Variants in BDP1 observed in about 807,000 individuals in gnomAD.
BDP1 encodes the protein transcription factor TFIIIB component B'' homolog.
BDP1 carries 169 observed loss-of-function variants against 266.6 expected under a neutral mutation model. That is an observed-to-expected ratio of 0.63 (90% CI 0.56 to 0.72). BDP1 has a LOEUF of 0.72. Ranked by LOEUF, BDP1 falls within the 30% of genes least tolerant of loss-of-function variation. BDP1 has a pLI of 0.00. For missense variants in BDP1, 3,015 were observed against 3,053.8 expected, an observed-to-expected ratio of 0.99 and a Z score of 0.30; for synonymous variants, 1,090 against 1,022.4, an observed-to-expected ratio of 1.07 and a Z score of -1.26.
chr5:71,535,113 A>G lies in BDP1; in HGVS notation c.5892+2686A>G, dbSNP rs373265857. Among the ~76,000 whole-genome samples the G allele has an allele frequency of 1.1e-4, 16 of 152,286 alleles. 1 individual carries two copies. Among genetic ancestry groups the G allele is most frequent in the African/African-American group, 3.6e-4 (15 of 41,566 alleles). ...TAAAGATAGTTTTACTTCTTTCTGT[A>G]TTAGTTTCCTAGGATCACTGTAACA... On this transcript the variant is annotated intron_variant, in intron 26 of 38. Coordinates refer to ENST00000358731, the MANE Select transcript of BDP1 (RefSeq NM_018429.3).
rs1765273613 is a variant in BDP1 at position 71,517,305 on chromosome 5, T to C, written c.4861-17T>C. The C allele has an allele frequency of 2.5e-6, 4 of 1,582,612 alleles. No homozygotes were observed. Among genetic ancestry groups the C allele is most frequent in the Non-Finnish European group, 3.4e-6 (4 of 1,164,256 alleles). ...CTGCTATAAAAATAACATACTAATA[T>C]GATTTTGTCTTTTCAGTCAAATTCT... On this transcript the variant is annotated splice_polypyrimidine_tract_variant and intron_variant, in intron 21 of 38. Transcript: ENST00000358731.
intron 30 of BDP1, among the ~76,000 whole-genome samples, chr5:71,542,834 A>G (rs1041332495): frequency 2.0e-5 from 3 of 152,178 alleles, no homozygotes; most frequent in African/African-American, 7.2e-5. Flanking sequence ...TGTGTTATAT[A>G]CTGTATTCTT....
Position 71,483,799 on chromosome 5 carries a change from T to C in BDP1, c.1015-43T>C. ...TACTGCATTTAAAAAAAAATGCTTG[T>C]TTTATGAGAGAAAATTACCATAGGG... On this transcript the variant is annotated intron_variant, in intron 7 of 38. Coordinates refer to ENST00000358731, the MANE Select transcript of BDP1 (RefSeq NM_018429.3). The C allele has an allele frequency of 2.0e-6, 3 of 1,490,998 alleles. No individual in the cohort carries two copies. The South Asian group carries it at 3.4e-5, about 17-fold the overall frequency. The allele number at this position is 1,490,998 out of a possible 1,614,324, so 92.4% of individuals were successfully genotyped here.
chr5:71,563,646 C>T (rs915895157), intron 38 of BDP1, among the ~76,000 whole-genome samples: 9 of 152,216 alleles, frequency 5.9e-5, no homozygotes. Flanking sequence ...GGTGCGGTGG[C>T]TCACGCCTGT....
At chr5:71,557,486 A>G (rs1743310065) in intron 36 of BDP1, among the ~76,000 whole-genome samples, 1 of 145,096 alleles carries the variant, frequency 6.9e-6, no homozygotes, top group Non-Finnish European at 1.5e-5. Context: ...CTGGGCTCAC[A>G]CCATTCTCCT....
chr5:71,509,347 C>G, intron 16 of BDP1, 118 bp from the exon 17 acceptor site: 4 of 1,188,224 alleles, frequency 3.4e-6, no homozygotes, highest in Non-Finnish European at 4.6e-6. Flanking sequence ...CCTAGGCCTT[C>G]CTTAATTTTT....
intron 27 of BDP1, 92 bp from the exon 28 acceptor site, chr5:71,539,465 T>TG: frequency 2.1e-6 from 2 of 936,296 alleles, no homozygotes; most frequent in Non-Finnish European, 3.3e-6. Flanking sequence ...AATCTGCTCC[T>TG]AGGAGATAAA....
intron 6 of BDP1, among the ~76,000 whole-genome samples, chr5:71,468,774 T>C (rs1421486158): frequency 6.6e-6 from 1 of 151,408 alleles, no homozygotes; most frequent in East Asian, 2.0e-4. Context: ...GCCCAGCTAA[T>C]TTTTGTGTTT....
chr5:71,459,683 C>G (rs1426785456), intron 2 of BDP1, among the ~76,000 whole-genome samples: 2 of 152,200 alleles, frequency 1.3e-5, no homozygotes, highest in Non-Finnish European at 2.9e-5. Flanking sequence ...GTAGAGCATG[C>G]TGGCCCTGGA....
chr5:71,497,027 T>G (rs1381539674), intron 12 of BDP1, among the ~76,000 whole-genome samples: 1 of 152,250 alleles, frequency 6.6e-6, no homozygotes, highest in Non-Finnish European at 1.5e-5. Context: ...ATTTTCTGGA[T>G]TTTAAATTTG....
chr5:71,467,415 T>G lies in BDP1; in HGVS notation c.847T>G (p.Phe283Val). The G allele has an allele frequency of 6.2e-7, 1 of 1,611,212 alleles. No homozygotes were observed. The highest frequency in any genetic ancestry group is 1.3e-5 in the African/African-American group (1 of 74,984). The change falls in exon 6 of 39, where the codon TTT (phenylalanine) becomes GTT (valine). Residue 283 changes from phenylalanine (F) to valine (V), a missense_variant. Physicochemically the swap from Phe to Val is conservative, Grantham distance 50 (BLOSUM62 -1). Transcript: ENST00000358731. ...TGTTGTTGAAGAAAATGACCCCATA[T>G]TTGAGCGCGGTTCTACAACTACATA... ...PCVVEENDPI[F>V]ERGSTTTYSS...
At chr5:71,483,625 T>G (rs1763089208) in intron 7 of BDP1, among the ~76,000 whole-genome samples, 1 of 152,260 alleles carries the variant, frequency 6.6e-6, no homozygotes, top group Admixed American at 6.5e-5. Flanking sequence ...CATTGCTGAT[T>G]CATGCTATTG....
chr5:71,564,740 T>TA lies in BDP1; in HGVS notation c.7744-13dup, dbSNP rs1317189283. ...TACAGTTTTATTTTTACTTTATTTT[T>TA]ATTACCTTTTTAGGTTTCTTGTGAT... On this transcript the variant is annotated splice_polypyrimidine_tract_variant and intron_variant, in intron 38 of 38. Coordinates refer to ENST00000358731, the MANE Select transcript of BDP1 (RefSeq NM_018429.3). 6.3e-7 allele frequency: 1 copy of TA among 1,587,348 alleles called. No individual in the cohort carries two copies. Among genetic ancestry groups the TA allele is most frequent in the South Asian group, 1.1e-5 (1 of 87,262 alleles).
chr5:71,479,018 A>G (rs1179586822), intron 7 of BDP1, among the ~76,000 whole-genome samples: 9 of 151,772 alleles, frequency 5.9e-5, no homozygotes, highest in Admixed American at 5.9e-4. Context: ...TATTTCTGTA[A>G]TTTTCACCTG....
chr5:71,460,178 G>A (rs761006003), intron 2 of BDP1, among the ~76,000 whole-genome samples: 2 of 152,132 alleles, frequency 1.3e-5, no homozygotes, highest in Non-Finnish European at 2.9e-5. Flanking sequence ...TCAGGAGTTC[G>A]AGACCAGCCT....
In BDP1 at chr5:71,510,963, A is replaced by G; in HGVS notation, c.3871A>G (p.Arg1291Gly). The change falls in exon 17 of 39, where the codon AGA becomes GGA. Residue 1291 changes from arginine to glycine, a missense_variant. Coordinates refer to ENST00000358731, the MANE Select transcript of BDP1 (RefSeq NM_018429.3). Reference protein sequence around the residue: ...DLKETGKENFRERGSEEICVT... With the variant: ...DLKETGKENFGERGSEEICVT... ...GAAAGAAACTGGAAAAGAAAATTTTAGAGAGAGAGGATCTGAAGAGATCTG... is the reference window on the plus strand; with the variant it reads ...GAAAGAAACTGGAAAAGAAAATTTTGGAGAGAGAGGATCTGAAGAGATCTG... The G allele has an allele frequency of 6.2e-7, 1 of 1,614,134 alleles. No individual in the cohort carries two copies. Among genetic ancestry groups the G allele is most frequent in the South Asian group, 1.1e-5 (1 of 91,074 alleles).
chr5:71,532,379 T>C lies in BDP1; in HGVS notation c.5844T>C (p.Asp1948=). The change falls in exon 26 of 39, where the codon GAT becomes GAC. Residue 1948 remains aspartate (D), a synonymous_variant. Coordinates refer to ENST00000358731, the MANE Select transcript of BDP1 (RefSeq NM_018429.3). ...AVVEHELPNT[D]VTTEEMKQEE... ...TTGAACATGAGCTACCAAACACAGA[T>C]GTGACTACTGAAGAAATGAAACAAG... is the stretch of plus-strand genomic sequence containing the variant. 6.2e-7 allele frequency: 1 copy of C among 1,613,698 alleles called. No homozygotes were observed. Among genetic ancestry groups the C allele is most frequent in the African/African-American group, 1.3e-5 (1 of 75,036 alleles).
In BDP1 at chr5:71,566,541, A is replaced by ATAG. The variant is rs1276468153; in HGVS notation, c.*1660_*1662dup. Reference sequence around the variant, plus strand: ...TTGAAAAGCCTCTTGGATTGATAGTATAGTAGCTCAGGCATTGGAAACTTT... The same window carrying ATAG: ...TTGAAAAGCCTCTTGGATTGATAGTATAGTAGTAGCTCAGGCATTGGAAACTTT... On this transcript the variant is annotated 3_prime_UTR_variant, in exon 39 of 39. Transcript: ENST00000358731. The ATAG allele has an allele frequency of 3.3e-5, 5 of 152,198 alleles. No homozygotes were observed. Among genetic ancestry groups the ATAG allele is most frequent in the Non-Finnish European group, 5.9e-5 (4 of 68,038 alleles). The allele number at this position is 152,198 out of a possible 1,614,324, so 9.4% of individuals were successfully genotyped here.
intron 6 of BDP1, among the ~76,000 whole-genome samples, chr5:71,469,831 G>A (rs1164248778): frequency 6.9e-6 from 1 of 145,384 alleles, no homozygotes; most frequent in Non-Finnish European, 1.5e-5. Flanking sequence ...TGGCCCGGCT[G>A]GTCTCAAACT....
Sources: allele counts gnomAD v4.1 joint callset (sites outside exome capture counted in the v4.1 genomes callset), GRCh38; gene constraint gnomAD v4.1.1; transcripts MANE v1.5; gene names NCBI Gene and HGNC (gene_info 2026-07-23, HGNC 2026-07-21).